The following LRRC9 variants were observed in gnomAD, a reference collection of about 807,000 sequenced individuals.
The protein encoded by LRRC9 is leucine-rich repeat-containing protein 9.
A neutral mutation model predicts 63.2 loss-of-function variants in LRRC9; 122 were observed. The ratio of observed to expected loss-of-function variants is 1.93; its 90% CI spans 1.67 to 2.24. The LOEUF is 2.24. LRRC9 is among the 30% of genes most tolerant of loss of function. The pLI, the probability that LRRC9 is intolerant of heterozygous loss-of-function variation, is 0.00. For synonymous variants in LRRC9, 366 were observed against 213.1 expected, an observed-to-expected ratio of 1.72 and a Z score of -6.25; for missense variants, 1,071 against 627.7, an observed-to-expected ratio of 1.71 and a Z score of -7.55.
At chr14:60,034,590 C>T (rs1892277440) in intron 29 of LRRC9, among the ~76,000 whole-genome samples, 1 of 152,104 alleles carries the variant, frequency 6.6e-6, no homozygotes, top group Non-Finnish European at 1.5e-5. Context: ...TGAGTGAGGA[C>T]ATGTGATATT....
intron 1 of LRRC9, among the ~76,000 whole-genome samples, chr14:59,926,912 T>A (rs1889256865): frequency 6.6e-6 from 1 of 152,130 alleles, no homozygotes; most frequent in Admixed American, 6.5e-5. Flanking sequence ...TGTGTACCCA[T>A]AGTAGAAATA....
At chr14:60,043,097 T>G (rs538852138) in intron 29 of LRRC9, among the ~76,000 whole-genome samples, 3 of 152,216 alleles carry the variant, frequency 2.0e-5, no homozygotes, top group Non-Finnish European at 4.4e-5. Flanking sequence ...TTTCAAATTG[T>G]TTGCTGTTGA....
chr14:59,995,229 G>C, intron 17 of LRRC9, among the ~76,000 whole-genome samples: 1 of 152,168 alleles, frequency 6.6e-6, no homozygotes, highest in Admixed American at 6.6e-5. Context: ...CTGCATGTCT[G>C]TCATTCACTA....
At chr14:60,006,778 A>G (rs1889843191) in intron 22 of LRRC9, 161 bp downstream of exon 22, 1 of 485,148 alleles carries the variant, frequency 2.1e-6, no homozygotes. Context: ...TGTTGTATAC[A>G]TACAAAAATA....
intron 23 of LRRC9, among the ~76,000 whole-genome samples, chr14:60,014,213 G>C (rs565764695): frequency 1.4e-4 from 22 of 151,834 alleles, no homozygotes; most frequent in African/African-American, 5.1e-4. Context: ...CTTCTCTCCT[G>C]TTAATATTTG....
intron 15 of LRRC9, among the ~76,000 whole-genome samples, chr14:59,981,004 T>C (rs1340518705): frequency 6.6e-6 from 1 of 152,156 alleles, no homozygotes; most frequent in East Asian, 1.9e-4. Flanking sequence ...ATTTCTTCTC[T>C]TCCATTCTCT....
intron 19 of LRRC9, among the ~76,000 whole-genome samples, chr14:60,000,304 A>G (rs1889230519): frequency 6.6e-6 from 1 of 152,080 alleles, no homozygotes; most frequent in Admixed American, 6.6e-5. Flanking sequence ...GGGAGGAGGG[A>G]GATGGGCAGA....
Position 59,999,362 on chromosome 14 carries a change from C to G in LRRC9, c.2529+136C>G, listed in dbSNP as rs1458505895. On this transcript the variant is annotated intron_variant, in intron 19 of 31. Coordinates refer to ENST00000445360, the Ensembl canonical transcript of LRRC9. ...AAAAATTAATATAGAGCAATCATAC[C>G]ACTTGGTATTTTTTCTGTTTAAATG... 2.1e-5 allele frequency: 10 copies of G among 481,820 alleles called. No homozygotes were observed. The Admixed American group carries it at 3.8e-4, about 18-fold the overall frequency. 29.8% of individuals were successfully genotyped at this position (481,820 alleles called of 1,614,324 possible). A position where few individuals can be genotyped will look rare whatever the true frequency, so the allele number is the denominator to read the frequency against.
At chr14:60,041,231 T>C (rs1014753406) in intron 29 of LRRC9, among the ~76,000 whole-genome samples, 1 of 152,176 alleles carries the variant, frequency 6.6e-6, no homozygotes, top group African/African-American at 2.4e-5. Flanking sequence ...CTGACAATTA[T>C]GTGTCTTTGA....
intron 29 of LRRC9, among the ~76,000 whole-genome samples, chr14:60,034,013 TTC>T (rs1415089173): frequency 0.011 from 510 of 45,680 alleles, 6 homozygotes; most frequent in African/African-American, 0.024. Context: ...AATTTTTTCT[TTC>T]TTTTTTTTTT....
chr14:59,988,828 T>G (rs895443451), intron 17 of LRRC9, among the ~76,000 whole-genome samples: 1 of 152,186 alleles, frequency 6.6e-6, no homozygotes, highest in African/African-American at 2.4e-5. Context: ...TATCCTATTA[T>G]AGATCATAGG....
At chr14:60,052,968 C>A in intron 29 of LRRC9, 97 bp from the exon 30 acceptor site, 1 of 551,934 alleles carries the variant, frequency 1.8e-6, no homozygotes, top group Admixed American at 3.0e-5. Context: ...TATTATTTGT[C>A]CTCTTTGTTG....
At position 59,958,070 on chromosome 14, in the gene LRRC9, G is replaced by C. The variant is rs1883961248; in HGVS notation, c.883-1748G>C. On this transcript the variant is annotated intron_variant, in intron 8 of 31. Transcript: ENST00000445360. The surrounding 1 kb of genome is among the most constrained non-coding windows in gnomAD (Gnocchi z 4.0). ...CTGTATGAGGTGTCTGTCGACCCCT[G>C]TTGGGGTATGTCTCCCAGTCAGGAG... 1.3e-5 allele frequency among the ~76,000 whole-genome samples: 2 copies of C among 152,316 alleles called. No homozygotes were observed. Among genetic ancestry groups the C allele is most frequent in the South Asian group, 4.1e-4 (2 of 4,828 alleles).
chr14:59,963,060 A>C (rs1884500637), intron 10 of LRRC9, among the ~76,000 whole-genome samples: 1 of 152,192 alleles, frequency 6.6e-6, no homozygotes, highest in South Asian at 2.1e-4. Context: ...TTAAATTGCT[A>C]TGCTACATTT....
Position 59,928,424 on chromosome 14 carries a change from AT to A in LRRC9, c.208del (p.Ser70GlnfsTer3), listed in dbSNP as rs1307486341. ...CATTGTTGCTCAAGATATAAAAGAA[AT>A]TTCAGGGTTAGAGCCTTGTTTACAA... On this transcript the variant is annotated frameshift_variant, in exon 3 of 32. Coordinates refer to ENST00000445360, the Ensembl canonical transcript of LRRC9. LOFTEE classifies it high-confidence loss of function. 1.4e-6 allele frequency: 1 copy of A among 697,582 alleles called. No individual in the cohort carries two copies. The highest frequency in any genetic ancestry group is 2.6e-6 in the Non-Finnish European group (1 of 382,578). The allele number at this position is 697,582 out of a possible 1,614,324, so 43.2% of individuals were successfully genotyped here.
At chr14:60,041,678 G>A (rs1274572668) in intron 29 of LRRC9, among the ~76,000 whole-genome samples, 1 of 152,070 alleles carries the variant, frequency 6.6e-6, no homozygotes, top group African/African-American at 2.4e-5. Context: ...TATTTGTGAT[G>A]TGTTCGAACA....
At chr14:60,045,685 G>A (rs905163418) in intron 29 of LRRC9, among the ~76,000 whole-genome samples, 2 of 152,180 alleles carry the variant, frequency 1.3e-5, no homozygotes, top group Non-Finnish European at 2.9e-5. Context: ...TGATGGGCAT[G>A]TGGGTTGAGT....
chr14:60,042,490 G>T lies in LRRC9; in HGVS notation c.3990+10427G>T, dbSNP rs898732316. 6.6e-6 allele frequency among the ~76,000 whole-genome samples: 1 copy of T among 152,196 alleles called. No individual in the cohort carries two copies. Among genetic ancestry groups the T allele is most frequent in the Non-Finnish European group, 1.5e-5 (1 of 68,034 alleles). On this transcript the variant is annotated intron_variant, in intron 29 of 31. Coordinates refer to ENST00000445360, the Ensembl canonical transcript of LRRC9. The surrounding 1 kb of genome is among the most constrained non-coding windows in gnomAD (Gnocchi z 4.2). ...TAGCCTCGCTGCTGCCTTGCAGTTCGATCTCAGACTGCTGTGCTGGCAGTG... is the reference window on the plus strand; with the variant it reads ...TAGCCTCGCTGCTGCCTTGCAGTTCTATCTCAGACTGCTGTGCTGGCAGTG...
At chr14:59,977,306 C>T (rs1886397404) in exon 14 of LRRC9, 1 of 700,042 alleles carries the variant, frequency 1.4e-6, no homozygotes, top group Non-Finnish European at 2.6e-6. Flanking sequence ...TCCAACTATC[C>T]AATGGTTAAT....
Sources: allele counts gnomAD v4.1 joint callset (sites outside exome capture counted in the v4.1 genomes callset), GRCh38; gene constraint gnomAD v4.1.1; non-coding constraint Gnocchi (gnomAD v3.1); transcripts MANE v1.5; gene names NCBI Gene and HGNC (gene_info 2026-07-23, HGNC 2026-07-21).